Variants in SYNPR observed in about 807,000 individuals in gnomAD.
The protein encoded by SYNPR is synaptoporin.
SYNPR carries 23 observed loss-of-function variants against 32.9 expected under a neutral mutation model. The ratio of observed to expected loss-of-function variants is 0.70; its 90% confidence interval spans 0.50 to 0.99. The LOEUF (loss-of-function observed/expected upper bound fraction) is 0.99. Among genes scored for constraint, SYNPR ranks in the 50% least tolerant of loss-of-function variants. SYNPR has a pLI of 0.00. For missense variants in SYNPR, 318 were observed against 349.3 expected (o/e 0.91, Z 0.71); for synonymous variants, 146 against 135.9 (o/e 1.07, Z -0.52).
chr3:63,595,715 TTTTATA>T (rs1215425882), intron 4 of SYNPR, among the ~76,000 whole-genome samples: 4 of 45,770 alleles, frequency 8.7e-5, no homozygotes, highest in Admixed American at 8.0e-4. Flanking sequence ...CTGAATCTTA[TTTTATA>T]TATATATATA....
intron 4 of SYNPR, among the ~76,000 whole-genome samples, chr3:63,567,269 G>A (rs1382323362): frequency 6.6e-6 from 1 of 152,054 alleles, no homozygotes; most frequent in African/African-American, 2.4e-5. Context: ...CCAGCCTCCA[G>A]AGAACAGAAG....
At chr3:63,577,827 A>G (rs1346569180) in intron 4 of SYNPR, among the ~76,000 whole-genome samples, 1 of 152,178 alleles carries the variant, frequency 6.6e-6, no homozygotes, top group Non-Finnish European at 1.5e-5. Context: ...TCACTTATGT[A>G]TACAACTGGA....
At chr3:63,329,609 A>G (rs1381731356) in intron 2 of SYNPR, among the ~76,000 whole-genome samples, 1 of 152,184 alleles carries the variant, frequency 6.6e-6, no homozygotes, top group South Asian at 2.1e-4. Context: ...TGTTGGCCAT[A>G]CGTCTTAAGA....
chr3:63,556,572 C>T lies in SYNPR; in HGVS notation c.239C>T (p.Thr80Ile). 1 of 1,613,442 alleles carries T rather than the reference C, an allele frequency of 6.2e-7. No individual in the cohort carries two copies. The highest frequency in any genetic ancestry group is 8.5e-7 in the Non-Finnish European group (1 of 1,179,668). The change falls in exon 4 of 6, where the codon ACC (threonine) becomes ATC (isoleucine). Residue 80 changes from threonine to isoleucine, a missense_variant. Thr to Ile is a moderately conservative substitution (Grantham distance 89). Coordinates refer to ENST00000478300, the MANE Select transcript of SYNPR (RefSeq NM_001130003.2). The stretch of plus-strand genomic sequence containing the variant: ...CACCAGGTGACGTTTGAGGTGCCCA[C>T]CTGCGAGGGAAAGGAACGGCAGAAG... Reference protein sequence around the residue: ...RLHQVTFEVPTCEGKERQKLA... With the variant: ...RLHQVTFEVPICEGKERQKLA...
At chr3:63,278,836 C>A in intron 2 of SYNPR, 94 bp downstream of exon 2, 3 of 1,346,096 alleles carry the variant, frequency 2.2e-6, no homozygotes, top group Admixed American at 2.1e-5. Context: ...AGTTCTGCTC[C>A]AAGCCGGAGA....
chr3:63,403,137 C>T (rs777505824), intron 2 of SYNPR, among the ~76,000 whole-genome samples: 1 of 152,158 alleles, frequency 6.6e-6, no homozygotes, highest in Non-Finnish European at 1.5e-5. Context: ...TGTAGTTCCT[C>T]CCACTAAAGC....
At chr3:63,594,735 A>G (rs1699904016) in intron 4 of SYNPR, among the ~76,000 whole-genome samples, 1 of 152,130 alleles carries the variant, frequency 6.6e-6, no homozygotes, top group African/African-American at 2.4e-5. Context: ...ACCATTACCA[A>G]CACCACCATT....
chr3:63,451,758 C>T (rs544417174), intron 2 of SYNPR, among the ~76,000 whole-genome samples: 7 of 152,268 alleles, frequency 4.6e-5, no homozygotes, highest in African/African-American at 1.4e-4. Context: ...CCTCTCTTTG[C>T]CTGCTCTGGG....
chr3:63,258,277 A>G (rs1300065263), intron 2 of SYNPR, among the ~76,000 whole-genome samples: 1 of 152,216 alleles, frequency 6.6e-6, no homozygotes, highest in African/African-American at 2.4e-5. Flanking sequence ...CATTCTTTTA[A>G]GCACCACACC....
At chr3:63,283,656 ACT>A (rs1051047930) in intron 2 of SYNPR, among the ~76,000 whole-genome samples, 37 of 118,458 alleles carry the variant, frequency 3.1e-4, no homozygotes, top group Non-Finnish European at 4.9e-4. Context: ...ACGGAGTCTC[ACT>A]CTGTCACCCA....
At chr3:63,487,944 T>C (rs1038964910) in intron 3 of SYNPR, among the ~76,000 whole-genome samples, 5 of 151,906 alleles carry the variant, frequency 3.3e-5, no homozygotes, top group African/African-American at 1.2e-4. Context: ...TAAGCACCAT[T>C]CCCCCGCTCA....
chr3:63,474,079 G>T (rs1319545779), intron 2 of SYNPR, among the ~76,000 whole-genome samples: 1 of 152,190 alleles, frequency 6.6e-6, no homozygotes, highest in Non-Finnish European at 1.5e-5. Flanking sequence ...GCCAGCCAAC[G>T]ATGTGTGGTG....
chr3:63,432,666 G>T (rs1251825751), intron 2 of SYNPR, among the ~76,000 whole-genome samples: 1 of 152,172 alleles, frequency 6.6e-6, no homozygotes, highest in Non-Finnish European at 1.5e-5. Flanking sequence ...TAAGAAAGAG[G>T]TAGGAGAGGG....
At chr3:63,260,042 C>T (rs969326884) in intron 2 of SYNPR, among the ~76,000 whole-genome samples, 7 of 151,998 alleles carry the variant, frequency 4.6e-5, no homozygotes, top group Non-Finnish European at 1.0e-4. Context: ...CAAGGAGAAC[C>T]ACAAACCACT....
At chr3:63,436,762 A>G (rs1236904976) in intron 2 of SYNPR, among the ~76,000 whole-genome samples, 4 of 152,174 alleles carry the variant, frequency 2.6e-5, no homozygotes, top group East Asian at 3.9e-4. Context: ...AGTAGTTTCA[A>G]CAAATCTTTA....
intron 1 of SYNPR, among the ~76,000 whole-genome samples, chr3:63,251,586 T>C (rs1235003253): frequency 6.6e-6 from 1 of 152,064 alleles, no homozygotes; most frequent in East Asian, 1.9e-4. Flanking sequence ...GCTTGCAAGA[T>C]TTCCCCCAAA....
the SYNPR span, among the ~76,000 whole-genome samples, chr3:63,214,317 G>A: frequency 4.5e-4 from 17 of 38,060 alleles, 1 homozygote; most frequent in Non-Finnish European, 8.1e-4. Flanking sequence ...GGTAGAATTC[G>A]GCTGTGAATC....
At chr3:63,316,908 C>G (rs1253450994) in intron 2 of SYNPR, among the ~76,000 whole-genome samples, 1 of 151,874 alleles carries the variant, frequency 6.6e-6, no homozygotes, top group Non-Finnish European at 1.5e-5. Flanking sequence ...TTTGCTGTAT[C>G]TCAGAGGTTT....
chr3:63,563,976 A>G (rs1169293178), intron 4 of SYNPR, among the ~76,000 whole-genome samples: 6 of 3,210 alleles, frequency 1.9e-3, no homozygotes, highest in Non-Finnish European at 2.2e-3. Context: ...CAAATATGGA[A>G]AAAAAAAAAA....
Sources: allele counts gnomAD v4.1 joint callset (sites outside exome capture counted in the v4.1 genomes callset), GRCh38; gene constraint gnomAD v4.1.1; transcripts MANE v1.5; gene names NCBI Gene and HGNC (gene_info 2026-07-23, HGNC 2026-07-21).